Variants in TASL observed in about 807,000 individuals in gnomAD.
The protein encoded by TASL is TLR adaptor interacting with endolysosomal SLC15A4.
Under a neutral mutation model 12.9 loss-of-function variants are expected in TASL, and 6 were observed. The observed-to-expected ratio is 0.46, with a 90% CI of 0.25 to 0.92. TASL has a LOEUF of 0.92. Ranked by LOEUF, TASL falls within the 40% of genes least tolerant of loss-of-function variation. The probability of loss-of-function intolerance (pLI) is 0.17; values close to 1 mark genes in which losing one functional copy is unlikely to be tolerated. For missense variants in TASL, 165 were observed against 212.8 expected (o/e 0.78, Z 1.40); for synonymous variants, 85 against 79.3 (o/e 1.07, Z -0.38).
chrX:30,576,162 G>A (rs1930701288), intron 2 of TASL, among the ~76,000 whole-genome samples: 1 of 111,858 alleles, frequency 8.9e-6, no homozygotes, highest in South Asian at 3.6e-4. Flanking sequence ...AAGGACATGT[G>A]GATAATTAGG....
chrX:30,565,908 C>A (rs1044950233), intron 2 of TASL, among the ~76,000 whole-genome samples: 5 of 109,545 alleles, frequency 4.6e-5, no homozygotes, highest in Non-Finnish European at 1.9e-5. Context: ...GTAGCTGGGA[C>A]CACAGGTGCA....
chrX:30,569,370 C>T (rs988821002), intron 2 of TASL, among the ~76,000 whole-genome samples: 2 of 111,050 alleles, frequency 1.8e-5, no homozygotes, highest in East Asian at 5.6e-4. Flanking sequence ...GGAAATGGCA[C>T]CATCATTGAC....
chrX:30,566,577 A>T (rs376047034), intron 2 of TASL, among the ~76,000 whole-genome samples: 1 of 112,192 alleles, frequency 8.9e-6, no homozygotes, highest in South Asian at 3.7e-4. Flanking sequence ...GGGTAATGAA[A>T]TGGGATTAGA....
chrX:30,573,021 C>A (rs1326338602), intron 2 of TASL, among the ~76,000 whole-genome samples: 3 of 112,134 alleles, frequency 2.7e-5, no homozygotes, highest in African/African-American at 9.7e-5. Context: ...TAGCCCTTAA[C>A]CTTCCAACAA....
chrX:30,577,193 C>G (rs750524141), intron 1 of TASL, among the ~76,000 whole-genome samples: 50 of 112,397 alleles, frequency 4.4e-4, no homozygotes, highest in Admixed American at 1.3e-3. Flanking sequence ...TTGTTTTCGT[C>G]TCTAAAACTG....
rs150949392 is a variant in TASL at position 30,559,994 on chromosome X, C to A, written c.362G>T (p.Cys121Phe). The A allele has an allele frequency of 5.6e-4, 679 of 1,209,292 alleles. No individual in the cohort carries two copies. The highest frequency in any genetic ancestry group is 7.1e-4 in the Non-Finnish European group (639 of 894,828). ...AATCTGTAAGTCATTATAATTCTTG[C>A]AAATACTTTTGCAAGAAGATGGAAC... The part of the protein sequence containing the change: ...YLVPSSCKSI[C>F]KNYNDLQIAG... Residue 121 changes from cysteine to phenylalanine, a missense_variant, in exon 3 of 3, where the codon TGC (cysteine) becomes TTC (phenylalanine). Cys to Phe is a radical substitution (Grantham distance 205). Coordinates refer to ENST00000378962, the MANE Select transcript of TASL (RefSeq NM_025159.3).
At chrX:30,569,569 AATTTAT>A (rs752942305) in intron 2 of TASL, among the ~76,000 whole-genome samples, 13 of 111,548 alleles carry the variant, frequency 1.2e-4, no homozygotes, top group African/African-American at 4.2e-4. Context: ...AGGCAGTAGG[AATTTAT>A]ATTGGGGGCT....
chrX:30,571,252 GAAAGAGA>G (rs1569306018), intron 2 of TASL, among the ~76,000 whole-genome samples: 1 of 42,653 alleles, frequency 2.3e-5, no homozygotes, highest in Non-Finnish European at 4.0e-5. Context: ...AAAAGAGAAA[GAAAGAGA>G]AAGAAAGAAA....
intron 2 of TASL, among the ~76,000 whole-genome samples, chrX:30,560,646 A>G (rs1308931204): frequency 1.0e-5 from 1 of 96,597 alleles, no homozygotes; most frequent in Non-Finnish European, 2.1e-5. Context: ...GTGATAGGTA[A>G]AAAGGAAGTA....
intron 2 of TASL, among the ~76,000 whole-genome samples, chrX:30,572,744 A>G (rs180937789): frequency 6.8e-4 from 76 of 112,371 alleles, no homozygotes; most frequent in African/African-American, 2.3e-3. Context: ...AACTTTTTTT[A>G]TACAAGGCCA....
chrX:30,571,266 G>GAAAGAAAGAAAGAAAGAAAGAAAGAA lies in TASL; in HGVS notation c.-2+5460_-2+5485dup, dbSNP rs1569306077. ...AAAAAGAGAAAGAAAGAGAAAGAAA[G>GAAAGAAAGAAAGAAAGAAAGAAAGAA]AAAGAAAGAAAGAAAGAAAGAAAGA... On this transcript the variant is annotated intron_variant, in intron 2 of 2. Coordinates refer to ENST00000378962, the MANE Select transcript of TASL (RefSeq NM_025159.3). Among the ~76,000 whole-genome samples the GAAAGAAAGAAAGAAAGAAAGAAAGAA allele has an allele frequency of 5.8e-3, 210 of 35,927 alleles. 7 individuals are homozygous for GAAAGAAAGAAAGAAAGAAAGAAAGAA. Among genetic ancestry groups the GAAAGAAAGAAAGAAAGAAAGAAAGAA allele is most frequent in the Middle Eastern group, 0.025 (2 of 80 alleles). The allele number at this position is 35,927 out of a possible 115,157, so 31.2% of individuals were successfully genotyped here.
At chrX:30,563,809 C>G in intron 2 of TASL, among the ~76,000 whole-genome samples, 1 of 111,891 alleles carries the variant, frequency 8.9e-6, no homozygotes, top group Non-Finnish European at 1.9e-5. Context: ...TATCCACCTT[C>G]TAGGCAGGAT....
chrX:30,572,571 T>A (rs923119197), intron 2 of TASL, among the ~76,000 whole-genome samples: 1 of 112,158 alleles, frequency 8.9e-6, no homozygotes, highest in African/African-American at 3.2e-5. Context: ...TTGAACTTAT[T>A]CCTTCTATAT....
chrX:30,565,833 T>C (rs1930489636), intron 2 of TASL, among the ~76,000 whole-genome samples: 1 of 109,859 alleles, frequency 9.1e-6, no homozygotes, highest in Non-Finnish European at 1.9e-5. Flanking sequence ...TGCAGTGGTG[T>C]GATCTCGGCT....
At chrX:30,572,598 C>A (rs1461981960) in intron 2 of TASL, among the ~76,000 whole-genome samples, 1 of 111,950 alleles carries the variant, frequency 8.9e-6, no homozygotes, top group Non-Finnish European at 1.9e-5. Context: ...AATTTTGTAT[C>A]CTTTGAGCAT....
chrX:30,567,732 T>C (rs778402997), intron 2 of TASL, among the ~76,000 whole-genome samples: 1 of 110,470 alleles, frequency 9.1e-6, no homozygotes, highest in Non-Finnish European at 1.9e-5. Context: ...AACTGAAAAA[T>C]CCAAAAGTTG....
chrX:30,561,858 A>AT (rs1172702473), intron 2 of TASL, among the ~76,000 whole-genome samples: 1 of 50,569 alleles, frequency 2.0e-5, no homozygotes, highest in East Asian at 1.4e-3. Flanking sequence ...ACTTATAAGG[A>AT]TTAAAAAAAA....
intron 2 of TASL, among the ~76,000 whole-genome samples, chrX:30,571,280 AAGAAAG>A (rs777270015): frequency 1.3e-5 from 1 of 79,994 alleles, no homozygotes; most frequent in Non-Finnish European, 2.5e-5. Flanking sequence ...GAAAGAAAGA[AAGAAAG>A]AAAGAAAGAA....
intron 2 of TASL, among the ~76,000 whole-genome samples, chrX:30,562,836 AT>A (rs373351794): frequency 8.1e-4 from 86 of 106,164 alleles, no homozygotes; most frequent in African/African-American, 2.8e-3. Context: ...ACATGCATGT[AT>A]TTTTTTTTCC....
Sources: gnomAD v4.1 joint callset for allele counts (sites outside exome capture counted in the v4.1 genomes callset) on GRCh38, gnomAD v4.1.1 for gene constraint, MANE v1.5 for transcripts, NCBI Gene and HGNC (gene_info 2026-07-23, HGNC 2026-07-21) for gene names.